Variants in ZNF341 observed in about 807,000 individuals in gnomAD.
ZNF341 encodes zinc finger protein 341.
Under a neutral mutation model 87.7 loss-of-function variants are expected in ZNF341, and 52 were observed. The observed-to-expected ratio is 0.59, with a 90% confidence interval of 0.47 to 0.75. ZNF341 has a LOEUF of 0.75. Ranked by LOEUF, ZNF341 falls within the 30% of genes least tolerant of loss-of-function variation. ZNF341 has a pLI of 0.00. For synonymous variants in ZNF341, 459 were observed against 472.7 expected (o/e 0.97, Z 0.38); for missense variants, 977 against 1,145.9 (o/e 0.85, Z 2.13).
At chr20:33,741,553 G>A (rs752463653) in intron 2 of ZNF341, among the ~76,000 whole-genome samples, 7 of 151,994 alleles carry the variant, frequency 4.6e-5, no homozygotes, top group Non-Finnish European at 5.9e-5. Flanking sequence ...ACAGGCGTGC[G>A]CCACCACGCC....
chr20:33,774,332 T>G (rs1345811222), intron 10 of ZNF341, among the ~76,000 whole-genome samples: 1 of 151,882 alleles, frequency 6.6e-6, no homozygotes, highest in Non-Finnish European at 1.5e-5. Flanking sequence ...GATTTATTGA[T>G]TTTTTCCCCC....
intron 2 of ZNF341, among the ~76,000 whole-genome samples, chr20:33,743,091 G>A (rs886501009): frequency 1.3e-5 from 2 of 151,242 alleles, no homozygotes; most frequent in African/African-American, 2.4e-5. Context: ...GAGTGCAATG[G>A]CATGATCTTG....
At chr20:33,749,493 C>T (rs1048723484) in intron 4 of ZNF341, among the ~76,000 whole-genome samples, 1 of 152,022 alleles carries the variant, frequency 6.6e-6, no homozygotes, top group African/African-American at 2.4e-5. Flanking sequence ...GACAGGTTTT[C>T]TCCATGTTGA....
Position 33,732,115 on chromosome 20 carries a change from T to G in ZNF341, c.31+63T>G. ...CGCTGCGCCCCCTCCCGCCGCGCCC[T>G]CGCAGCGCCCGGCCTAGGGCGCGCA... On this transcript the variant is annotated intron_variant, in intron 1 of 14. Transcript: ENST00000375200. This position sits in a 1 kb window ranked among gnomAD's most constrained non-coding sequence, Gnocchi z 4.5. 9.0e-7 allele frequency: 1 copy of G among 1,105,532 alleles called. No individual in the cohort carries two copies. Among genetic ancestry groups the G allele is most frequent in the South Asian group, 4.4e-5 (1 of 22,772 alleles). 68.5% of individuals were successfully genotyped at this position (1,105,532 alleles called of 1,614,324 possible). A position where few individuals can be genotyped will look rare whatever the true frequency, so the allele number is the denominator to read the frequency against.
Position 33,791,242 on chromosome 20 carries a change from C to G in ZNF341, c.2290C>G (p.Leu764Val). The change falls in exon 15 of 15, where the codon CTG becomes GTG. Residue 764 changes from leucine (L) to valine (V), a missense_variant. Transcript: ENST00000375200. ...RSCGSGGRKV[L>V]TPLPDPLGLE... ...TTGCGGCAGTGGTGGGCGCAAGGTG[C>G]TGACCCCCTTGCCTGACCCGCTGGG... 2 of 1,611,960 alleles carry G rather than the reference C, an allele frequency of 1.2e-6. No individual in the cohort carries two copies. Among genetic ancestry groups the G allele is most frequent in the Non-Finnish European group, 1.7e-6 (2 of 1,179,540 alleles).
At chr20:33,734,463 G>A (rs1167327474) in intron 1 of ZNF341, among the ~76,000 whole-genome samples, 5 of 152,198 alleles carry the variant, frequency 3.3e-5, no homozygotes, top group Non-Finnish European at 7.3e-5. Flanking sequence ...AACTGGGCTG[G>A]TAAACAACTG....
chr20:33,762,280 C>G (rs1004503362), intron 8 of ZNF341, among the ~76,000 whole-genome samples: 1 of 151,956 alleles, frequency 6.6e-6, no homozygotes, highest in African/African-American at 2.4e-5. Flanking sequence ...ATTCAATCAC[C>G]TACCCATTTT....
intron 3 of ZNF341, among the ~76,000 whole-genome samples, chr20:33,746,532 G>T (rs555840501): frequency 6.6e-6 from 1 of 151,888 alleles, no homozygotes; most frequent in African/African-American, 2.4e-5. Context: ...ACACCCAGCC[G>T]CTGGGGCTTT....
intron 10 of ZNF341, 89 bp from the exon 11 acceptor site, chr20:33,781,202 C>A: frequency 2.3e-6 from 2 of 888,886 alleles, no homozygotes; most frequent in South Asian, 1.4e-5. Context: ...TAGGATGTTG[C>A]CTCCTAATGT....
chr20:33,751,569 T>G (rs1027543858), intron 4 of ZNF341, among the ~76,000 whole-genome samples: 12 of 151,796 alleles, frequency 7.9e-5, no homozygotes, highest in Non-Finnish European at 1.6e-4. Flanking sequence ...TTTTGTTTGT[T>G]TGTTTGTTTG....
chr20:33,747,631 A>C lies in ZNF341; in HGVS notation c.340-1292A>C, dbSNP rs1453048891. Among the ~76,000 whole-genome samples the C allele has an allele frequency of 1.8e-4, 24 of 132,600 alleles. 2 individuals are homozygous for C. Among genetic ancestry groups the C allele is most frequent in the African/African-American group, 8.8e-4 (23 of 26,214 alleles). The allele number at this position is 132,600 out of a possible 152,430, so 87.0% of individuals were successfully genotyped here. A position where few individuals can be genotyped will look rare whatever the true frequency, so the allele number is the denominator to read the frequency against. ...CTCCGTCTCAAAAAAAAAAAAAAAA[A>C]AAAAAAAAAAACACAGTCATTTTTC... is the stretch of plus-strand genomic sequence containing the variant. On this transcript the variant is annotated intron_variant, in intron 3 of 14. Coordinates refer to ENST00000375200, the MANE Select transcript of ZNF341 (RefSeq NM_001282933.2).
At position 33,788,648 on chromosome 20, in the gene ZNF341, A is replaced by G. The variant is rs977277057; in HGVS notation, c.1853-215A>G. ...GATGACCTGAGGTCTCTCCTCATGCATGGCCTCATCAGAGAGGCCTCTCCT... is the reference window on the plus strand; with the variant it reads ...GATGACCTGAGGTCTCTCCTCATGCGTGGCCTCATCAGAGAGGCCTCTCCT... On this transcript the variant is annotated intron_variant, in intron 12 of 14. Coordinates refer to ENST00000375200, the MANE Select transcript of ZNF341 (RefSeq NM_001282933.2). 1.5e-5 allele frequency: 9 copies of G among 587,474 alleles called. No homozygotes were observed. The African/African-American group carries it at 1.7e-4, about 11-fold the overall frequency. 36.4% of individuals were successfully genotyped at this position (587,474 alleles called of 1,614,324 possible).
chr20:33,755,440 G>T (rs985213452), intron 5 of ZNF341, among the ~76,000 whole-genome samples: 1 of 152,112 alleles, frequency 6.6e-6, no homozygotes. Flanking sequence ...GGGATTACAG[G>T]CATGAGCCAC....
intron 4 of ZNF341, among the ~76,000 whole-genome samples, chr20:33,751,050 C>T (rs562560679): frequency 6.6e-6 from 1 of 152,280 alleles, no homozygotes; most frequent in Non-Finnish European, 1.5e-5. Context: ...GCTGGGATTA[C>T]AGGTGTGAGC....
intron 12 of ZNF341, among the ~76,000 whole-genome samples, chr20:33,785,395 T>C (rs1013739538): frequency 1.3e-5 from 2 of 152,090 alleles, no homozygotes; most frequent in Admixed American, 1.3e-4. Flanking sequence ...CAGGCTGGAG[T>C]GCAATGGTAT....
Position 33,749,031 on chromosome 20 carries a change from T to A in ZNF341, c.448T>A (p.Ser150Thr), listed in dbSNP as rs765425752. ...CATGTCTGCCATGTCAGCCTTCACATCCCTGGACCAGCCCATGCCCCAGGG... is the reference window on the plus strand; with the variant it reads ...CATGTCTGCCATGTCAGCCTTCACAACCCTGGACCAGCCCATGCCCCAGGG... The part of the protein sequence containing the change: ...VLMSAMSAFT[S>T]LDQPMPQGPP... The change falls in exon 4 of 15, where the codon TCC (serine) becomes ACC (threonine). Residue 150 changes from serine (S) to threonine (T), a missense_variant. Transcript: ENST00000375200. 1.8e-5 allele frequency: 29 copies of A among 1,614,006 alleles called. No homozygotes were observed. Among genetic ancestry groups the A allele is most frequent in the Non-Finnish European group, 2.5e-5 (29 of 1,180,004 alleles).
rs199813019 is a variant in ZNF341, at chr20:33,733,334, TTCTTCTGCC to T, written c.31+1285_31+1293del. 4.7e-4 allele frequency among the ~76,000 whole-genome samples: 72 copies of T among 151,950 alleles called. No homozygotes were observed. In the East Asian group the frequency reaches 0.013, roughly 28 times the overall value. ...CCCGGGGTTCACGCCATTCTTCTGC[TTCTTCTGCC>T]TCAGCCTCGAGAGCAGCTGAGACTA... On this transcript the variant is annotated intron_variant, in intron 1 of 14. Coordinates refer to ENST00000375200, the MANE Select transcript of ZNF341 (RefSeq NM_001282933.2).
rs1453465104 is a variant in ZNF341 at position 33,757,327 on chromosome 20, C to G, written c.921C>G (p.Ala307=). The change falls in exon 6 of 15, where the codon GCC becomes GCG. Residue 307 remains alanine (A), a synonymous_variant. Transcript: ENST00000375200. ...ATLKTRRAKG[A]RGLPEAAGKP... Reference sequence around the variant, plus strand: ...TGAAGACCCGACGAGCTAAAGGTGCCAGGGGACTCCCGGAAGGTGGGCCCC... The same window carrying G: ...TGAAGACCCGACGAGCTAAAGGTGCGAGGGGACTCCCGGAAGGTGGGCCCC... The G allele has an allele frequency of 6.4e-7, 1 of 1,553,472 alleles. No individual in the cohort carries two copies. Among genetic ancestry groups the G allele is most frequent in the East Asian group, 2.4e-5 (1 of 42,084 alleles).
intron 10 of ZNF341, among the ~76,000 whole-genome samples, chr20:33,780,297 G>A (rs1380683651): frequency 6.6e-6 from 1 of 152,190 alleles, no homozygotes; most frequent in Non-Finnish European, 1.5e-5. Flanking sequence ...GTGAGGTGGA[G>A]AAAGGAGAAG....
Sources: allele counts gnomAD v4.1 joint callset (sites outside exome capture counted in the v4.1 genomes callset), GRCh38; gene constraint gnomAD v4.1.1; non-coding constraint Gnocchi (gnomAD v3.1); transcripts MANE v1.5; gene names NCBI Gene and HGNC (gene_info 2026-07-23, HGNC 2026-07-21).